The following DIAPH2 variants were observed in gnomAD, a reference collection of about 807,000 sequenced individuals.
DIAPH2 encodes diaphanous related formin 2, also known as protein diaphanous homolog 2.
Under a neutral mutation model 92.7 loss-of-function variants are expected in DIAPH2, and 35 were observed. The observed-to-expected ratio is 0.38, with a 90% confidence interval of 0.29 to 0.50. DIAPH2 has a LOEUF of 0.50. Ranked by LOEUF, DIAPH2 falls within the 20% of genes least tolerant of loss-of-function variation. The pLI, the probability that DIAPH2 is intolerant of heterozygous loss-of-function variation, is 0.94. For missense variants in DIAPH2, 701 were observed against 819.5 expected, an observed-to-expected ratio of 0.86 and a Z score of 1.77; for synonymous variants, 301 against 280.4, an observed-to-expected ratio of 1.07 and a Z score of -0.73.
intron 4 of DIAPH2, among the ~76,000 whole-genome samples, chrX:96,770,284 G>T (rs1195263041): frequency 2.7e-5 from 3 of 111,148 alleles, no homozygotes; most frequent in Non-Finnish European, 5.7e-5. Context: ...TAAGCTGCCT[G>T]ATAGTAATAT....
At chrX:97,327,905 G>A (rs1031202476) in intron 23 of DIAPH2, among the ~76,000 whole-genome samples, 3 of 112,188 alleles carry the variant, frequency 2.7e-5, no homozygotes, top group African/African-American at 9.7e-5. Context: ...TTTCCAAGTT[G>A]ACATTTCCCT....
intron 19 of DIAPH2, 138 bp downstream of exon 19, chrX:97,075,399 ATATC>A: frequency 5.6e-6 from 2 of 356,770 alleles, no homozygotes; most frequent in Non-Finnish European, 5.0e-6. Context: ...AAAATCAGGA[ATATC>A]TAGCTGTGTT....
intron 5 of DIAPH2, chrX:96,884,221 C>T (rs1245983791): frequency 6.5e-6 from 5 of 770,597 alleles, no homozygotes; most frequent in Non-Finnish European, 7.4e-6. Flanking sequence ...CTGTGGAGAG[C>T]TCGAAGCCTT....
chrX:96,722,655 C>A (rs766998167), intron 1 of DIAPH2, among the ~76,000 whole-genome samples: 9 of 111,804 alleles, frequency 8.0e-5, no homozygotes, highest in Non-Finnish European at 1.5e-4. Context: ...CATCTTTAAC[C>A]CATTTATGTA....
At chrX:96,741,211 G>A (rs1034578207) in intron 3 of DIAPH2, among the ~76,000 whole-genome samples, 6 of 108,599 alleles carry the variant, frequency 5.5e-5, no homozygotes, top group Admixed American at 1.0e-4. Context: ...GTAAACATGC[G>A]GTCCCATTTT....
intron 4 of DIAPH2, among the ~76,000 whole-genome samples, chrX:96,798,783 G>T (rs1477792659): frequency 9.0e-6 from 1 of 111,712 alleles, no homozygotes; most frequent in Non-Finnish European, 1.9e-5. Context: ...AACTTTGCAT[G>T]AATCTAAAGT....
chrX:97,149,597 C>T (rs1040009234), intron 22 of DIAPH2, among the ~76,000 whole-genome samples: 1 of 107,977 alleles, frequency 9.3e-6, no homozygotes, highest in Non-Finnish European at 1.9e-5. Context: ...CAGGCGTGGT[C>T]GCGGGCACCT....
intron 4 of DIAPH2, among the ~76,000 whole-genome samples, chrX:96,873,082 ATTTGTCATTGCC>A (rs1250017452): frequency 9.0e-6 from 1 of 111,401 alleles, no homozygotes; most frequent in Non-Finnish European, 1.9e-5. Flanking sequence ...CCTCGCCAGC[ATTTGTCATTGCC>A]TTTCTTTTGG....
chrX:97,471,252 A>G (rs2070559480), intron 26 of DIAPH2, among the ~76,000 whole-genome samples: 1 of 111,476 alleles, frequency 9.0e-6, no homozygotes, highest in Admixed American at 9.6e-5. Flanking sequence ...CACTACCCAC[A>G]ACATGCTACC....
chrX:97,293,243 C>CTTTTTTTTTTT, intron 23 of DIAPH2, among the ~76,000 whole-genome samples: 1 of 63,216 alleles, frequency 1.6e-5, no homozygotes, highest in Non-Finnish European at 3.0e-5. Flanking sequence ...ATATTTCTTT[C>CTTTTTTTTTTT]TTTTTTTTTT....
intron 22 of DIAPH2, among the ~76,000 whole-genome samples, chrX:97,151,376 CTTAG>C (rs2067284608): frequency 9.0e-6 from 1 of 111,644 alleles, no homozygotes; most frequent in Non-Finnish European, 1.9e-5. Flanking sequence ...TTTACCCATG[CTTAG>C]TTATAGTGAT....
intron 22 of DIAPH2, among the ~76,000 whole-genome samples, chrX:97,152,312 G>C (rs1009890164): frequency 1.2e-4 from 13 of 111,726 alleles, no homozygotes; most frequent in Middle Eastern, 4.6e-3. Context: ...ATCTTTTGCT[G>C]GAATTTGGAT....
intron 1 of DIAPH2, among the ~76,000 whole-genome samples, chrX:96,693,054 G>A (rs1199660551): frequency 2.7e-5 from 3 of 111,959 alleles, no homozygotes; most frequent in Non-Finnish European, 1.9e-5. Flanking sequence ...GGGGATGGGT[G>A]GAGTAGGTAA....
chrX:97,109,478 C>T (rs977060484), intron 20 of DIAPH2, among the ~76,000 whole-genome samples: 6 of 111,477 alleles, frequency 5.4e-5, no homozygotes, highest in Admixed American at 9.5e-5. Context: ...ACTACAGTGT[C>T]GCTGTTTCTC....
At chrX:97,372,110 G>A (rs1471494556) in intron 24 of DIAPH2, among the ~76,000 whole-genome samples, 1 of 112,174 alleles carries the variant, frequency 8.9e-6, no homozygotes, top group Non-Finnish European at 1.9e-5. Context: ...TTAACTTCTA[G>A]CTAATCAGAG....
Position 97,114,984 on chromosome X carries a change from A to C in DIAPH2, c.2589+19A>C, listed in dbSNP as rs771942800. 14 of 1,135,690 alleles carry C rather than the reference A, an allele frequency of 1.2e-5. No individual in the cohort carries two copies. In the East Asian group the frequency reaches 3.6e-4, roughly 29 times the overall value. 93.6% of individuals were successfully genotyped at this position (1,135,690 alleles called of 1,213,427 possible). A position where few individuals can be genotyped will look rare whatever the true frequency, so the allele number is the denominator to read the frequency against. ...TTGTAAGGTAAGATGACATTTTATA[A>C]TGCTAATTTACAACAATAATCTTCT... On this transcript the variant is annotated intron_variant, in intron 21 of 26. Coordinates refer to ENST00000324765, the MANE Select transcript of DIAPH2 (RefSeq NM_006729.5).
chrX:97,008,628 A>G lies in DIAPH2; in HGVS notation c.2050+43421A>G, dbSNP rs138068107. Among the ~76,000 whole-genome samples, 647 of 111,880 alleles carry G rather than the reference A, an allele frequency of 5.8e-3. 7 individuals are homozygous for G. The highest frequency in any genetic ancestry group is 0.02 in the African/African-American group (630 of 30,757). ...CTAAGTTTTTGGTCACTGCAGTCGTATCTTCACTAGGGGCATCCCAAGCCC... is the reference window on the plus strand; with the variant it reads ...CTAAGTTTTTGGTCACTGCAGTCGTGTCTTCACTAGGGGCATCCCAAGCCC... On this transcript the variant is annotated intron_variant, in intron 17 of 26. Transcript: ENST00000324765.
chrX:97,218,052 G>A (rs1452726413), intron 22 of DIAPH2, among the ~76,000 whole-genome samples: 1 of 110,599 alleles, frequency 9.0e-6, no homozygotes, highest in East Asian at 2.8e-4. Context: ...ACAAAGAAGA[G>A]AACTCCTAAT....
chrX:97,192,293 CAAAAAAAAAAAAAAA>C (rs773665704), intron 22 of DIAPH2, among the ~76,000 whole-genome samples: 4 of 32,410 alleles, frequency 1.2e-4, no homozygotes, highest in Non-Finnish European at 1.7e-4. Flanking sequence ...GACTCCGTCT[CAAAAAAAAAAAAAAA>C]AAAAAAGAAA....
Sources: gnomAD v4.1 joint callset for allele counts (sites outside exome capture counted in the v4.1 genomes callset) on GRCh38, gnomAD v4.1.1 for gene constraint, MANE v1.5 for transcripts, NCBI Gene and HGNC (gene_info 2026-07-23, HGNC 2026-07-21) for gene names.